Variants in NHSL1 observed in about 807,000 individuals in gnomAD.
The protein encoded by NHSL1 is NHS like 1.
A neutral mutation model predicts 95.0 loss-of-function variants in NHSL1; 48 were observed. That is an observed-to-expected ratio of 0.51 (90% CI 0.40 to 0.64). The LOEUF (loss-of-function observed/expected upper bound fraction) is 0.64. Among genes scored for constraint, NHSL1 ranks in the 30% least tolerant of loss-of-function variants. The pLI is 0.00. For missense variants in NHSL1, 1,971 were observed against 2,077.7 expected, an observed-to-expected ratio of 0.95 and a Z score of 1.00; for synonymous variants, 783 against 833.9, an observed-to-expected ratio of 0.94 and a Z score of 1.05.
At chr6:138,539,368 C>A (rs759832167) in intron 1 of NHSL1, among the ~76,000 whole-genome samples, 2 of 152,016 alleles carry the variant, frequency 1.3e-5, no homozygotes. Context: ...AAATACATAC[C>A]CCTGCATACA....
At chr6:138,561,899 C>A (rs533172952) in intron 1 of NHSL1, among the ~76,000 whole-genome samples, 2 of 152,208 alleles carry the variant, frequency 1.3e-5, no homozygotes, top group African/African-American at 4.8e-5. Context: ...GCAGCCAGCA[C>A]AGTAACGAAT....
intron 1 of NHSL1, among the ~76,000 whole-genome samples, chr6:138,514,042 C>T (rs1781348543): frequency 6.6e-6 from 1 of 152,104 alleles, no homozygotes. Flanking sequence ...CTTGGCCAGG[C>T]GTGGTGGCTC....
At chr6:138,625,389 C>T (rs917901478) in intron 1 of NHSL1, among the ~76,000 whole-genome samples, 4 of 152,018 alleles carry the variant, frequency 2.6e-5, no homozygotes, top group Non-Finnish European at 4.4e-5. Context: ...GTGATCCACC[C>T]GCCTTGGCCT....
At chr6:138,528,950 A>G (rs1015844593) in intron 1 of NHSL1, among the ~76,000 whole-genome samples, 19 of 152,264 alleles carry the variant, frequency 1.2e-4, no homozygotes, top group African/African-American at 4.3e-4. Context: ...AGTGCTGAAA[A>G]GAAGTAAACA....
intron 1 of NHSL1, among the ~76,000 whole-genome samples, chr6:138,521,091 T>C (rs954705542): frequency 1.3e-5 from 2 of 152,194 alleles, no homozygotes; most frequent in Non-Finnish European, 2.9e-5. Context: ...AGTGCACACC[T>C]ATCAGGTGTG....
chr6:138,496,274 G>A lies in NHSL1; in HGVS notation c.156C>T (p.Pro52=), dbSNP rs1411815836. 5 of 1,550,694 alleles carry A rather than the reference G, an allele frequency of 3.2e-6. No individual in the cohort carries two copies. In the African/African-American group the frequency reaches 5.5e-5, roughly 17 times the overall value. ...ENVFLPTTRP[P]CVEDLHRQAK... ...CTTGGCGGTGCAGGTCCTCAACACA[G>A]GGGGGTCTTGTGGTGGGAAGGAACA... is the stretch of plus-strand genomic sequence containing the variant. Residue 52 remains proline (P), a synonymous_variant, in exon 2 of 8, where the codon CCC becomes CCT. Transcript: ENST00000343505.
intron 1 of NHSL1, among the ~76,000 whole-genome samples, chr6:138,577,948 A>C (rs1389587616): frequency 1.3e-5 from 2 of 152,086 alleles, no homozygotes; most frequent in Non-Finnish European, 2.9e-5. Flanking sequence ...CTTTCCACCC[A>C]CCAAGGAATG....
At chr6:138,559,390 T>C (rs935027400) in intron 1 of NHSL1, among the ~76,000 whole-genome samples, 1 of 152,212 alleles carries the variant, frequency 6.6e-6, no homozygotes, top group Non-Finnish European at 1.5e-5. Flanking sequence ...AATCACTCGG[T>C]CCTGCTGCCA....
intron 1 of NHSL1, among the ~76,000 whole-genome samples, chr6:138,544,576 A>G (rs1269282345): frequency 6.6e-6 from 1 of 152,224 alleles, no homozygotes; most frequent in African/African-American, 2.4e-5. Context: ...ATCCACGTCT[A>G]TACCTCATGA....
intron 1 of NHSL1, among the ~76,000 whole-genome samples, chr6:138,558,207 C>T (rs1372412703): frequency 6.6e-6 from 1 of 151,830 alleles, no homozygotes; most frequent in Non-Finnish European, 1.5e-5. Flanking sequence ...ACTGCAACCT[C>T]CGCCTCCTGG....
chr6:138,619,850 A>G (rs1405434800), intron 1 of NHSL1, among the ~76,000 whole-genome samples: 2 of 150,326 alleles, frequency 1.3e-5, no homozygotes, highest in Non-Finnish European at 3.0e-5. Context: ...CTGGAGGCTG[A>G]GGCAGGAGAA....
chr6:138,452,455 TTTTGA>T (rs140842804), intron 3 of NHSL1, among the ~76,000 whole-genome samples: 5,655 of 152,294 alleles, frequency 0.037, 339 homozygotes, highest in African/African-American at 0.13. Flanking sequence ...GTCTTTTTTG[TTTTGA>T]TTTGTTAGTA....
chr6:138,658,738 G>A (rs1046784299), intron 1 of NHSL1, among the ~76,000 whole-genome samples: 11 of 152,052 alleles, frequency 7.2e-5, no homozygotes, highest in African/African-American at 2.7e-4. Flanking sequence ...CCATAAATAA[G>A]ACCATCGAAA....
At chr6:138,681,888 C>G (rs1225936170) in intron 1 of NHSL1, among the ~76,000 whole-genome samples, 2 of 152,062 alleles carry the variant, frequency 1.3e-5, no homozygotes, top group African/African-American at 4.8e-5. Context: ...TTAATCATAA[C>G]AGGGAGTGCA....
chr6:138,562,668 A>T (rs895264640), intron 1 of NHSL1, among the ~76,000 whole-genome samples: 1 of 152,012 alleles, frequency 6.6e-6, no homozygotes, highest in Non-Finnish European at 1.5e-5. Flanking sequence ...TCTCACACAC[A>T]AAAAAATATA....
chr6:138,688,253 A>C (rs1340475668), intron 1 of NHSL1, among the ~76,000 whole-genome samples: 1 of 152,134 alleles, frequency 6.6e-6, no homozygotes, highest in African/African-American at 2.4e-5. Context: ...CACCCGGCCA[A>C]ACAGTATGCT....
intron 1 of NHSL1, among the ~76,000 whole-genome samples, chr6:138,532,286 T>C (rs1782167638): frequency 1.3e-5 from 2 of 152,212 alleles, no homozygotes. Context: ...CTCTATGTCA[T>C]GTTAGGGAAT....
At chr6:138,600,490 C>A (rs1368440989) in intron 1 of NHSL1, among the ~76,000 whole-genome samples, 2 of 152,206 alleles carry the variant, frequency 1.3e-5, no homozygotes, top group African/African-American at 4.8e-5. Context: ...AGTGAAAAAA[C>A]CAAAGAACAT....
intron 1 of NHSL1, among the ~76,000 whole-genome samples, chr6:138,590,364 C>T (rs538440275): frequency 4.9e-4 from 74 of 152,286 alleles, no homozygotes; most frequent in African/African-American, 1.7e-3. Context: ...CCTACTTCCA[C>T]CTTCCCTCCC....
Sources: gnomAD v4.1 joint callset for allele counts (sites outside exome capture counted in the v4.1 genomes callset) on GRCh38, gnomAD v4.1.1 for gene constraint, MANE v1.5 for transcripts, NCBI Gene and HGNC (gene_info 2026-07-23, HGNC 2026-07-21) for gene names.